The following NLGN1 variants were observed in gnomAD, a reference collection of about 807,000 sequenced individuals.
NLGN1 encodes neuroligin 1.
Under a neutral mutation model 65.5 loss-of-function variants are expected in NLGN1, and 12 were observed. That is an observed-to-expected ratio of 0.18 (90% CI 0.12 to 0.30). NLGN1 has a LOEUF of 0.30. NLGN1 is among the 10% of genes least tolerant of loss of function. The pLI is 1.00. For missense variants in NLGN1, 750 were observed against 1,007.1 expected, an observed-to-expected ratio of 0.74 and a Z score of 3.46; for synonymous variants, 350 against 359.5, an observed-to-expected ratio of 0.97 and a Z score of 0.30.
intron 4 of NLGN1, among the ~76,000 whole-genome samples, chr3:173,858,562 T>G (rs1728468478): frequency 6.6e-6 from 1 of 152,098 alleles, no homozygotes; most frequent in South Asian, 2.1e-4. Context: ...CTCACAGTTG[T>G]TGATTAAAAT....
At chr3:173,473,996 G>A (rs558645321) in intron 2 of NLGN1, among the ~76,000 whole-genome samples, 5 of 152,256 alleles carry the variant, frequency 3.3e-5, no homozygotes, top group South Asian at 4.1e-4. Context: ...GAGTGCCAGC[G>A]TTAGCCTCAA....
chr3:173,638,075 T>C (rs1179021731), intron 3 of NLGN1, among the ~76,000 whole-genome samples: 1 of 152,204 alleles, frequency 6.6e-6, no homozygotes, highest in African/African-American at 2.4e-5. Flanking sequence ...GAACTTGAGA[T>C]ACGATTTTTT....
chr3:174,229,889 T>C (rs1215410767), intron 4 of NLGN1, among the ~76,000 whole-genome samples: 1 of 152,220 alleles, frequency 6.6e-6, no homozygotes, highest in East Asian at 1.9e-4. Flanking sequence ...TCTGTGTGAA[T>C]AGAATACACT....
intron 3 of NLGN1, among the ~76,000 whole-genome samples, chr3:173,774,980 A>T (rs915036119): frequency 6.6e-6 from 1 of 152,190 alleles, no homozygotes; most frequent in East Asian, 1.9e-4. Context: ...GATTTGATAC[A>T]TTATAATTGA....
intron 3 of NLGN1, among the ~76,000 whole-genome samples, chr3:173,755,401 T>G (rs1024740434): frequency 6.6e-6 from 1 of 152,120 alleles, no homozygotes; most frequent in African/African-American, 2.4e-5. Context: ...AAAATACTGC[T>G]GAGACATCAG....
At chr3:173,840,168 G>T (rs760993912) in intron 4 of NLGN1, among the ~76,000 whole-genome samples, 21 of 152,142 alleles carry the variant, frequency 1.4e-4, no homozygotes, top group Admixed American at 3.3e-4. Flanking sequence ...CAAGACTCCA[G>T]AGTTGCCTTA....
chr3:173,811,627 A>G (rs1421095302), intron 4 of NLGN1, among the ~76,000 whole-genome samples: 2 of 151,296 alleles, frequency 1.3e-5, no homozygotes, highest in Admixed American at 1.3e-4. Flanking sequence ...TAAATACTTG[A>G]TGTGTTCTTA....
chr3:173,864,318 A>G (rs1282801871), intron 4 of NLGN1, among the ~76,000 whole-genome samples: 2 of 152,154 alleles, frequency 1.3e-5, no homozygotes, highest in East Asian at 3.9e-4. Context: ...TTGCTTATAG[A>G]TTATCATTTA....
chr3:173,865,506 A>G (rs1438670461), intron 4 of NLGN1, among the ~76,000 whole-genome samples: 3 of 152,156 alleles, frequency 2.0e-5, no homozygotes, highest in Non-Finnish European at 4.4e-5. Flanking sequence ...TTATTCCTCA[A>G]TAAATCCCTA....
rs1053028122 is a variant in NLGN1, at chr3:174,159,334, A to T, written c.647-115981A>T. ...TACTTAACTACAGACAAATTAGTAA[A>T]GAGCCAAATCCCAGGAAATATCAAT... On this transcript the variant is annotated intron_variant, in intron 4 of 6. Coordinates refer to ENST00000457714, the Ensembl canonical transcript of NLGN1. Among the ~76,000 whole-genome samples, 7 of 151,824 alleles carry T rather than the reference A, an allele frequency of 4.6e-5. No homozygotes were observed. In the Admixed American group the frequency reaches 4.6e-4, roughly 10 times the overall value.
chr3:174,012,629 A>G (rs1322465427), intron 4 of NLGN1, among the ~76,000 whole-genome samples: 1 of 152,188 alleles, frequency 6.6e-6, no homozygotes, highest in Admixed American at 6.6e-5. Context: ...CCTTAACTTT[A>G]GAAACCAGCT....
At position 174,119,026 on chromosome 3, in the gene NLGN1, A is replaced by C. The variant is rs567165380; in HGVS notation, c.647-156289A>C. On this transcript the variant is annotated intron_variant, in intron 4 of 6. Transcript: ENST00000457714. ...TAAGGCAGAGGACATAGAAAAAAAAAGTCAGTGGAATATGCTTTTTTCTTC... is the reference window on the plus strand; with the variant it reads ...TAAGGCAGAGGACATAGAAAAAAAACGTCAGTGGAATATGCTTTTTTCTTC... 2.0e-5 allele frequency among the ~76,000 whole-genome samples: 3 copies of C among 152,318 alleles called. No homozygotes were observed. In the South Asian group the frequency reaches 6.2e-4, roughly 32 times the overall value.
intron 4 of NLGN1, among the ~76,000 whole-genome samples, chr3:173,937,323 C>T (rs1035850843): frequency 2.6e-5 from 4 of 151,920 alleles, no homozygotes; most frequent in Admixed American, 2.6e-4. Flanking sequence ...AAATAATTCA[C>T]CCATCAATGA....
At chr3:174,129,544 C>T (rs1045738592) in intron 4 of NLGN1, among the ~76,000 whole-genome samples, 16 of 152,178 alleles carry the variant, frequency 1.1e-4, no homozygotes, top group East Asian at 5.8e-4. Context: ...AAAGTACGTA[C>T]GACATTTGGG....
chr3:173,946,165 A>C (rs991523938), intron 4 of NLGN1, among the ~76,000 whole-genome samples: 10 of 152,236 alleles, frequency 6.6e-5, no homozygotes, highest in African/African-American at 2.4e-4. Flanking sequence ...TTTTCTAATA[A>C]AAGAAGTAAT....
chr3:173,402,998 G>A lies in NLGN1; in HGVS notation c.-390+4511G>A, dbSNP rs1717982356. On this transcript the variant is annotated intron_variant, in intron 1 of 6. Transcript: ENST00000457714. ...AACTATCTAGGGCTCCTAACAGGGA[G>A]TTCCACAAACAAACTATCTGTCCTT... 2.6e-5 allele frequency among the ~76,000 whole-genome samples: 4 copies of A among 152,124 alleles called. No homozygotes were observed. In the South Asian group the frequency reaches 8.3e-4, roughly 31 times the overall value.
At chr3:174,103,050 TA>T (rs887584767) in intron 4 of NLGN1, among the ~76,000 whole-genome samples, 2 of 152,192 alleles carry the variant, frequency 1.3e-5, no homozygotes, top group African/African-American at 2.4e-5. Context: ...ATGGCAACTG[TA>T]AAATAAATGG....
At chr3:174,117,850 G>A (rs1328593007) in intron 4 of NLGN1, among the ~76,000 whole-genome samples, 2 of 152,128 alleles carry the variant, frequency 1.3e-5, no homozygotes, top group African/African-American at 2.4e-5. Context: ...GTTTTATTTT[G>A]TATGGCCCAT....
chr3:173,707,340 A>G (rs763976921), intron 3 of NLGN1, among the ~76,000 whole-genome samples: 2 of 152,190 alleles, frequency 1.3e-5, no homozygotes, highest in Admixed American at 6.5e-5. Context: ...GTGTGGCTTT[A>G]AAGATGTTCC....
Sources: gnomAD v4.1 joint callset for allele counts (sites outside exome capture counted in the v4.1 genomes callset) on GRCh38, gnomAD v4.1.1 for gene constraint, MANE v1.5 for transcripts, NCBI Gene and HGNC (gene_info 2026-07-23, HGNC 2026-07-21) for gene names.